SPATC1: variants seen among roughly 807,000 people sequenced by gnomAD.
SPATC1 encodes spermatogenesis and centriole associated 1.
A neutral mutation model predicts 36.5 loss-of-function variants in SPATC1; 35 were observed. The ratio of observed to expected loss-of-function variants is 0.96; its 90% CI spans 0.73 to 1.27. SPATC1 has a LOEUF of 1.27. SPATC1 is among the 50% of genes most tolerant of loss of function. The pLI is 0.00. For missense variants in SPATC1, 779 were observed against 796.0 expected, an observed-to-expected ratio of 0.98 and a Z score of 0.26; for synonymous variants, 361 against 353.6, an observed-to-expected ratio of 1.02 and a Z score of -0.24.
At chr8:144,030,987 T>G (rs1283223292) in intron 1 of SPATC1, among the ~76,000 whole-genome samples, 1 of 152,326 alleles carries the variant, frequency 6.6e-6, no homozygotes, top group South Asian at 2.1e-4. Flanking sequence ...ATGTGCACAC[T>G]AGCATATATT....
chr8:144,018,468 C>T (rs1834434728), intron 1 of SPATC1, among the ~76,000 whole-genome samples: 1 of 151,844 alleles, frequency 6.6e-6, no homozygotes, highest in Non-Finnish European at 1.5e-5. Flanking sequence ...GTGGCAGAGA[C>T]CTGAGTTTGT....
chr8:144,039,218 C>G (rs889947237), intron 1 of SPATC1, among the ~76,000 whole-genome samples: 10 of 152,182 alleles, frequency 6.6e-5, no homozygotes, highest in African/African-American at 2.4e-4. Context: ...GGCTTCTCCC[C>G]GAAACAGTGG....
chr8:144,046,411 A>G lies in SPATC1; in HGVS notation c.1447-216A>G, dbSNP rs563964150. 6.6e-6 allele frequency among the ~76,000 whole-genome samples: 1 copy of G among 152,212 alleles called. No individual in the cohort carries two copies. Among genetic ancestry groups the G allele is most frequent in the South Asian group, 2.1e-4 (1 of 4,824 alleles). On this transcript the variant is annotated intron_variant, in intron 4 of 4. Transcript: ENST00000377470. This position sits in a 1 kb window ranked among gnomAD's most constrained non-coding sequence, Gnocchi z 6.6. ...GCCCTACTGGGGAGCTTTGAGAGCCACCTGCCCTGCCCGGATCAGGCCTTG... is the reference window on the plus strand; with the variant it reads ...GCCCTACTGGGGAGCTTTGAGAGCCGCCTGCCCTGCCCGGATCAGGCCTTG...
intron 1 of SPATC1, among the ~76,000 whole-genome samples, chr8:144,014,277 GA>G (rs1834337877): frequency 7.2e-6 from 1 of 138,186 alleles, no homozygotes; most frequent in Non-Finnish European, 1.5e-5. Context: ...AAGAAAGAAA[GA>G]GAGAGAGAGA....
chr8:144,041,832 C>T (rs551137315), intron 4 of SPATC1, among the ~76,000 whole-genome samples: 48 of 152,312 alleles, frequency 3.2e-4, no homozygotes, highest in African/African-American at 1.0e-3. Context: ...TGCTTTTTCT[C>T]TCCAGCTGTG....
intron 1 of SPATC1, among the ~76,000 whole-genome samples, chr8:144,030,347 GTGTATGTA>G (rs1199255905): frequency 4.3e-4 from 66 of 151,852 alleles, no homozygotes; most frequent in African/African-American, 1.5e-3. Context: ...CCACATTGCT[GTGTATGTA>G]TGTATGTATG....
intron 1 of SPATC1, among the ~76,000 whole-genome samples, chr8:144,020,266 C>T (rs1215577405): frequency 1.3e-5 from 2 of 150,596 alleles, no homozygotes; most frequent in African/African-American, 4.9e-5. Flanking sequence ...ACCCTCTCCG[C>T]TGAAGAACCT....
At chr8:144,036,387 C>T (rs1007968106) in intron 1 of SPATC1, among the ~76,000 whole-genome samples, 30 of 152,272 alleles carry the variant, frequency 2.0e-4, no homozygotes, top group Non-Finnish European at 3.4e-4. Flanking sequence ...TGCAGTAGCA[C>T]GATCACGGCT....
intron 1 of SPATC1, among the ~76,000 whole-genome samples, chr8:144,037,711 T>C (rs1554755036): frequency 6.6e-6 from 1 of 151,854 alleles, no homozygotes. Context: ...CCAGAGACCT[T>C]TGTTCACTTG....
chr8:144,044,084 A>T (rs1554756441), intron 4 of SPATC1, among the ~76,000 whole-genome samples: 1 of 152,050 alleles, frequency 6.6e-6, no homozygotes. Context: ...ACTCCTGACT[A>T]GTATCGAGCC....
At chr8:144,032,537 A>T (rs1325257827) in intron 1 of SPATC1, among the ~76,000 whole-genome samples, 7 of 152,078 alleles carry the variant, frequency 4.6e-5, no homozygotes, top group African/African-American at 1.7e-4. Context: ...CAGCCTCCCA[A>T]AGTGCTGGGA....
intron 1 of SPATC1, among the ~76,000 whole-genome samples, chr8:144,035,251 C>T (rs935223802): frequency 3.9e-5 from 6 of 152,304 alleles, no homozygotes; most frequent in African/African-American, 1.4e-4. Context: ...ACTTGGCCTT[C>T]CCTGGAGCCC....
intron 1 of SPATC1, among the ~76,000 whole-genome samples, chr8:144,037,463 C>CT (rs1201419638): frequency 2.0e-5 from 3 of 152,054 alleles, no homozygotes; most frequent in Non-Finnish European, 4.4e-5. Context: ...TTTCATTTTG[C>CT]CTGTACTAAG....
At chr8:144,041,132 C>A (rs782250679) in intron 3 of SPATC1, 25 bp downstream of exon 3, 28 of 1,580,698 alleles carry the variant, frequency 1.8e-5, no homozygotes, top group Non-Finnish European at 2.0e-5. Flanking sequence ...GGGCTCCACG[C>A]GGGTCGGGCC....
intron 1 of SPATC1, 172 bp downstream of exon 1, chr8:144,012,898 G>C (rs1834308995): frequency 1.4e-6 from 1 of 736,244 alleles, no homozygotes; most frequent in Non-Finnish European, 2.2e-6. Context: ...CCTGGAGGAG[G>C]CTGCATTCCC....
chr8:144,028,909 G>A (rs1490965619), intron 1 of SPATC1, among the ~76,000 whole-genome samples: 1 of 152,052 alleles, frequency 6.6e-6, no homozygotes, highest in African/African-American at 2.4e-5. Flanking sequence ...CAGGGACATG[G>A]ATGGAGCTAG....
chr8:144,042,309 ATATTTTTTTTTTTTTTT>A (rs1382208778), intron 4 of SPATC1, among the ~76,000 whole-genome samples: 2 of 42,398 alleles, frequency 4.7e-5, no homozygotes, highest in Non-Finnish European at 7.1e-5. Context: ...ATATATATAT[ATATTTTTTTTTTTTTTT>A]TTTTTTTTTT....
rs546200606 is a variant in SPATC1, at chr8:144,046,453, T to G, written c.1447-174T>G. Among the ~76,000 whole-genome samples the G allele has an allele frequency of 6.6e-6, 1 of 152,292 alleles. No homozygotes were observed. The highest frequency in any genetic ancestry group is 1.5e-5 in the Non-Finnish European group (1 of 67,994). On this transcript the variant is annotated intron_variant, in intron 4 of 4. Coordinates refer to ENST00000377470, the MANE Select transcript of SPATC1 (RefSeq NM_198572.3). The surrounding 1 kb of genome is among the most constrained non-coding windows in gnomAD (Gnocchi z 6.6). ...CAGGCCTTGGAGACCTGTCAGGCTC[T>G]GCCCACTGGGTTCCCCTGTCCTAGA...
chr8:144,029,122 G>A (rs1205151739), intron 1 of SPATC1, among the ~76,000 whole-genome samples: 1 of 135,434 alleles, frequency 7.4e-6, no homozygotes, highest in East Asian at 2.4e-4. Flanking sequence ...TGGGTGATGT[G>A]TTGATAGGTA....
Sources: gnomAD v4.1 joint callset for allele counts (sites outside exome capture counted in the v4.1 genomes callset) on GRCh38, gnomAD v4.1.1 for gene constraint, Gnocchi (gnomAD v3.1) non-coding constraint, MANE v1.5 for transcripts, NCBI Gene and HGNC (gene_info 2026-07-23, HGNC 2026-07-21) for gene names.